Variants in CSNK1G3 observed in about 807,000 individuals in gnomAD.
The protein encoded by CSNK1G3 is casein kinase 1 gamma 3, also known as casein kinase I isoform gamma-3.
Under a neutral mutation model 64.3 loss-of-function variants are expected in CSNK1G3, and 23 were observed. That is an observed-to-expected ratio of 0.36 (90% CI 0.26 to 0.51). The LOEUF is 0.51. Ranked by LOEUF, CSNK1G3 falls within the 20% of genes least tolerant of loss-of-function variation. CSNK1G3 has a pLI of 0.96. For missense variants in CSNK1G3, 357 were observed against 510.5 expected (o/e 0.70, Z 2.90); for synonymous variants, 158 against 162.2 (o/e 0.97, Z 0.20).
chr5:123,575,351 T>A (rs182767499), intron 5 of CSNK1G3, among the ~76,000 whole-genome samples: 59 of 152,346 alleles, frequency 3.9e-4, no homozygotes, highest in African/African-American at 1.4e-3. Context: ...ATTGAACTGA[T>A]AAGGAAGATT....
intron 4 of CSNK1G3, among the ~76,000 whole-genome samples, chr5:123,568,803 T>C (rs1208421776): frequency 6.6e-6 from 1 of 152,258 alleles, no homozygotes; most frequent in Non-Finnish European, 1.5e-5. Flanking sequence ...TCCACTGCTA[T>C]ATACGACCCA....
intron 1 of CSNK1G3, among the ~76,000 whole-genome samples, chr5:123,544,110 C>T (rs950730551): frequency 4.6e-5 from 7 of 152,174 alleles, no homozygotes; most frequent in African/African-American, 1.7e-4. Context: ...ACCAGACCCT[C>T]TGCTAATAGA....
intron 6 of CSNK1G3, among the ~76,000 whole-genome samples, chr5:123,581,793 G>C (rs1790342750): frequency 6.6e-6 from 1 of 151,648 alleles, no homozygotes; most frequent in Non-Finnish European, 1.5e-5. Flanking sequence ...TTTTAGGGTA[G>C]TGCCAACTAA....
intron 1 of CSNK1G3, among the ~76,000 whole-genome samples, chr5:123,545,204 T>C (rs1038379401): frequency 2.0e-5 from 3 of 152,134 alleles, no homozygotes; most frequent in African/African-American, 7.2e-5. Context: ...TTTTAAGAAG[T>C]AATTGAATCC....
chr5:123,597,593 A>G (rs986953200), intron 10 of CSNK1G3, among the ~76,000 whole-genome samples: 3 of 152,128 alleles, frequency 2.0e-5, no homozygotes, highest in African/African-American at 7.2e-5. Flanking sequence ...TTTTTGACCT[A>G]TAGAAAGATC....
At chr5:123,542,474 ATAT>A (rs1781828105) in intron 1 of CSNK1G3, among the ~76,000 whole-genome samples, 1 of 152,040 alleles carries the variant, frequency 6.6e-6, no homozygotes, top group South Asian at 2.1e-4. Context: ...TTTCTATCTG[ATAT>A]TATGTGATTT....
intron 6 of CSNK1G3, among the ~76,000 whole-genome samples, chr5:123,582,486 G>T (rs1027137458): frequency 6.6e-6 from 1 of 152,080 alleles, no homozygotes; most frequent in South Asian, 2.1e-4. Flanking sequence ...CTCTTAATAC[G>T]TGTTGATTAT....
In CSNK1G3 at chr5:123,569,014, G is replaced by A. The variant is rs566884548; in HGVS notation, c.290-4379G>A. On this transcript the variant is annotated intron_variant, in intron 4 of 12. Transcript: ENST00000345990. ...GTATCAAACAGCAATTTGCAACAAT[G>A]CAAAAACTGCAATTACATTTGCACC... 2.6e-5 allele frequency among the ~76,000 whole-genome samples: 4 copies of A among 152,278 alleles called. No individual in the cohort carries two copies. The South Asian group carries it at 8.3e-4, about 32-fold the overall frequency.
At chr5:123,600,505 A>G (rs1178298360) in intron 10 of CSNK1G3, among the ~76,000 whole-genome samples, 1 of 151,956 alleles carries the variant, frequency 6.6e-6, no homozygotes, top group African/African-American at 2.4e-5. Context: ...CACACCTGTA[A>G]TCCCAGCTAC....
At chr5:123,586,109 A>C (rs1791276989) in intron 6 of CSNK1G3, among the ~76,000 whole-genome samples, 1 of 152,232 alleles carries the variant, frequency 6.6e-6, no homozygotes, top group Non-Finnish European at 1.5e-5. Flanking sequence ...GTAATGAGCT[A>C]TGGTTGCACG....
chr5:123,542,647 A>G (rs1460550851), intron 1 of CSNK1G3, among the ~76,000 whole-genome samples: 1 of 152,138 alleles, frequency 6.6e-6, no homozygotes, highest in East Asian at 1.9e-4. Flanking sequence ...CACCTGTGGC[A>G]AAAAGAGGGG....
intron 1 of CSNK1G3, among the ~76,000 whole-genome samples, chr5:123,533,213 G>A (rs983457473): frequency 1.3e-5 from 2 of 151,736 alleles, no homozygotes; most frequent in East Asian, 1.9e-4. Flanking sequence ...TTCTTGCCCC[G>A]TCCTTCCTTT....
intron 1 of CSNK1G3, among the ~76,000 whole-genome samples, chr5:123,514,903 A>G (rs544816839): frequency 6.6e-6 from 1 of 152,286 alleles, no homozygotes; most frequent in Admixed American, 6.5e-5. Flanking sequence ...AGTTTGAGGC[A>G]TGAAGGTCCA....
Position 123,568,739 on chromosome 5 carries a change from C to G in CSNK1G3, c.290-4654C>G, listed in dbSNP as rs1035002187. Among the ~76,000 whole-genome samples, 5 of 152,174 alleles carry G rather than the reference C, an allele frequency of 3.3e-5. 1 individual carries two copies. The highest frequency in any genetic ancestry group is 2.1e-4 in the South Asian group (1 of 4,832). ...AAACTTCTTGAACTGCCACTGCACT[C>G]TATGTTTGTTAGCAGTTCCTGGGCC... On this transcript the variant is annotated intron_variant, in intron 4 of 12. Coordinates refer to ENST00000345990, the Ensembl canonical transcript of CSNK1G3.
chr5:123,614,410 C>G, exon 13 of CSNK1G3: 1 of 1,609,816 alleles, frequency 6.2e-7, no homozygotes, highest in Non-Finnish European at 8.5e-7. Context: ...TGGACACAGA[C>G]AGATCCTGGG....
In CSNK1G3 at chr5:123,605,333, G is replaced by A. The variant is rs140621153; in HGVS notation, c.1194-6G>A. On this transcript the variant is annotated splice_polypyrimidine_tract_variant and splice_region_variant and intron_variant, in intron 11 of 12. Transcript: ENST00000345990. The stretch of plus-strand genomic sequence containing the variant: ...CTTGTATTTTTTTTTTTGTGTGTGC[G>A]TATAGCTGCCAGAAAGTGTTGAACA... 578 of 1,604,252 alleles carry A rather than the reference G, an allele frequency of 3.6e-4. 1 individual carries two copies. The African/African-American group carries it at 6.9e-3, about 19-fold the overall frequency.
At chr5:123,533,611 A>C (rs1780311627) in intron 1 of CSNK1G3, among the ~76,000 whole-genome samples, 1 of 150,706 alleles carries the variant, frequency 6.6e-6, no homozygotes, top group Non-Finnish European at 1.5e-5. Context: ...TAATGTCTTT[A>C]TATTTTTGTT....
intron 1 of CSNK1G3, among the ~76,000 whole-genome samples, chr5:123,537,588 A>G (rs1190303339): frequency 6.6e-6 from 1 of 152,224 alleles, no homozygotes; most frequent in Non-Finnish European, 1.5e-5. Context: ...GTAGCATAAA[A>G]GCTAAGTTTT....
chr5:123,564,225 A>T (rs1337715809), intron 4 of CSNK1G3, among the ~76,000 whole-genome samples: 1 of 152,050 alleles, frequency 6.6e-6, no homozygotes, highest in African/African-American at 2.4e-5. Flanking sequence ...CATTATCAGA[A>T]AGAGGTGTTA....
Sources: gnomAD v4.1 joint callset for allele counts (sites outside exome capture counted in the v4.1 genomes callset) on GRCh38, gnomAD v4.1.1 for gene constraint, MANE v1.5 for transcripts, NCBI Gene and HGNC (gene_info 2026-07-23, HGNC 2026-07-21) for gene names.